The following ZDHHC11B variants were observed in gnomAD, a reference collection of about 807,000 sequenced individuals.
ZDHHC11B encodes the protein probable palmitoyltransferase ZDHHC11B.
ZDHHC11B carries 17 observed loss-of-function variants against 42.3 expected under a neutral mutation model. The ratio of observed to expected loss-of-function variants is 0.40; its 90% CI spans 0.27 to 0.60. The LOEUF (loss-of-function observed/expected upper bound fraction) is 0.60. ZDHHC11B is among the 20% of genes least tolerant of loss of function. The pLI, the probability that ZDHHC11B is intolerant of heterozygous loss-of-function variation, is 0.41. For synonymous variants in ZDHHC11B, 123 were observed against 193.5 expected (o/e 0.64, Z 3.02); for missense variants, 262 against 463.2 (o/e 0.57, Z 3.99).
In ZDHHC11B at chr5:722,582, C is replaced by A. The variant is rs1280574990; in HGVS notation, c.1059-5717G>T. 2.0e-5 allele frequency among the ~76,000 whole-genome samples: 3 copies of A among 151,130 alleles called. 1 individual carries two copies. The highest frequency in any genetic ancestry group is 4.9e-5 in the African/African-American group (2 of 40,894). On this transcript the variant is annotated intron_variant, in intron 12 of 13. Transcript: ENST00000508859. The stretch of plus-strand genomic sequence containing the variant: ...CTTATACCCTGCTGTGAGAGTGTAA[C>A]ATGTGCAACACCTTTAAAAAACAGT...
chr5:729,646 A>C (rs1388924808), intron 12 of ZDHHC11B, among the ~76,000 whole-genome samples: 2 of 150,880 alleles, frequency 1.3e-5, no homozygotes, highest in Non-Finnish European at 3.0e-5. Context: ...GTTGTATTAA[A>C]TGGTTCTAGA....
chr5:784,043 TC>T (rs1253292645), intron 1 of ZDHHC11B, among the ~76,000 whole-genome samples: 1 of 151,398 alleles, frequency 6.6e-6, no homozygotes, highest in Non-Finnish European at 1.5e-5. Context: ...CGGCAGCGCC[TC>T]TCCATCGCCA....
At chr5:718,879 A>AC (rs1218203124) in intron 12 of ZDHHC11B, among the ~76,000 whole-genome samples, 2 of 151,474 alleles carry the variant, frequency 1.3e-5, no homozygotes, top group Admixed American at 6.6e-5. Flanking sequence ...GTCCTCAATA[A>AC]ATTTGAGGTG....
chr5:737,165 T>C (rs546865091), intron 10 of ZDHHC11B, among the ~76,000 whole-genome samples: 4 of 149,282 alleles, frequency 2.7e-5, no homozygotes, highest in Non-Finnish European at 4.4e-5. Context: ...CAAAAGATCA[T>C]TTAAGGCCAA....
At chr5:776,554 T>C (rs1478975729) in intron 1 of ZDHHC11B, among the ~76,000 whole-genome samples, 3 of 151,944 alleles carry the variant, frequency 2.0e-5, no homozygotes, top group Non-Finnish European at 4.4e-5. Flanking sequence ...AACTGCCCAC[T>C]GGGCATTCAG....
At chr5:732,576 A>G in intron 11 of ZDHHC11B, 1 of 436,254 alleles carries the variant, frequency 2.3e-6, no homozygotes, top group Admixed American at 2.5e-5. Context: ...CACCAGCCTC[A>G]CTGTTCCTCC....
At chr5:769,813 C>T (rs1735838608) in intron 1 of ZDHHC11B, among the ~76,000 whole-genome samples, 1 of 151,972 alleles carries the variant, frequency 6.6e-6, no homozygotes, top group African/African-American at 2.4e-5. Context: ...TGGGCCAGCA[C>T]TCTGGTCTTT....
At chr5:780,537 C>T (rs1479834273) in intron 1 of ZDHHC11B, among the ~76,000 whole-genome samples, 1 of 146,990 alleles carries the variant, frequency 6.8e-6, no homozygotes, top group Non-Finnish European at 1.5e-5. Context: ...ACAGGCAAAG[C>T]CAAAGCACAG....
intron 3 of ZDHHC11B, among the ~76,000 whole-genome samples, chr5:767,132 C>T (rs1488158267): frequency 1.3e-5 from 2 of 151,980 alleles, no homozygotes; most frequent in East Asian, 1.9e-4. Flanking sequence ...AATGAACAGA[C>T]ATGCTGCAGA....
intron 8 of ZDHHC11B, among the ~76,000 whole-genome samples, chr5:746,599 A>G (rs1744858493): frequency 6.8e-6 from 1 of 147,332 alleles, no homozygotes; most frequent in Non-Finnish European, 1.5e-5. Context: ...CCAGCCCCGC[A>G]TGGCTTCAGG....
At chr5:725,059 C>T (rs1335484014) in intron 12 of ZDHHC11B, among the ~76,000 whole-genome samples, 1 of 150,916 alleles carries the variant, frequency 6.6e-6, no homozygotes, top group Non-Finnish European at 1.5e-5. Flanking sequence ...CTAACCCCAG[C>T]GTTGTGTGTC....
intron 4 of ZDHHC11B, among the ~76,000 whole-genome samples, chr5:760,499 G>A (rs1398774802): frequency 4.0e-5 from 6 of 151,536 alleles, no homozygotes; most frequent in Non-Finnish European, 8.8e-5. Flanking sequence ...TCCAGACCCC[G>A]GGCCCCAGAA....
chr5:732,654 G>A (rs1743104959), intron 11 of ZDHHC11B: 1 of 451,672 alleles, frequency 2.2e-6, no homozygotes, highest in Admixed American at 2.4e-5. Context: ...GGGAAGTGCG[G>A]TGAGGCGGCC....
chr5:767,286 C>T lies in ZDHHC11B; in HGVS notation c.-1+106G>A, dbSNP rs768366383. Reference sequence around the variant, plus strand: ...ACCTGAGCTGCCATCTGGACGGCTGCGGGATGGCCCTCTCCCCACCCACAC... The same window carrying T: ...ACCTGAGCTGCCATCTGGACGGCTGTGGGATGGCCCTCTCCCCACCCACAC... On this transcript the variant is annotated intron_variant, in intron 3 of 13. Transcript: ENST00000508859. 177 of 1,301,842 alleles carry T rather than the reference C, an allele frequency of 1.4e-4. 1 individual carries two copies. The highest frequency in any genetic ancestry group is 3.7e-4 in the Middle Eastern group (2 of 5,334). 80.6% of individuals were successfully genotyped at this position (1,301,842 alleles called of 1,614,324 possible).
At chr5:715,010 C>A (rs1295060568) in intron 13 of ZDHHC11B, among the ~76,000 whole-genome samples, 1 of 150,400 alleles carries the variant, frequency 6.6e-6, no homozygotes, top group East Asian at 1.9e-4. Context: ...ATGTCAGCTC[C>A]CTTCACCTTC....
chr5:713,142 C>T (rs1284980109), intron 13 of ZDHHC11B, among the ~76,000 whole-genome samples: 30 of 151,354 alleles, frequency 2.0e-4, no homozygotes, highest in African/African-American at 7.3e-4. Context: ...CATAACATAG[C>T]CTTCAAACTG....
At chr5:777,475 AG>A (rs1240887396) in intron 1 of ZDHHC11B, among the ~76,000 whole-genome samples, 834 of 14,536 alleles carry the variant, frequency 0.057, 32 homozygotes, top group African/African-American at 0.22. Context: ...GCGCGCACCC[AG>A]ACTGAGCGGC....
chr5:770,001 A>G (rs2150230172), intron 1 of ZDHHC11B, among the ~76,000 whole-genome samples: 1 of 151,958 alleles, frequency 6.6e-6, no homozygotes, highest in African/African-American at 2.4e-5. Flanking sequence ...CTCGGTGCAC[A>G]TGTCCTCCAA....
intron 12 of ZDHHC11B, among the ~76,000 whole-genome samples, chr5:726,161 C>T (rs1249557767): frequency 6.6e-6 from 1 of 151,382 alleles, no homozygotes; most frequent in Non-Finnish European, 1.5e-5. Context: ...ACATTTCCCA[C>T]AAAACAGACC....
Sources: allele counts gnomAD v4.1 joint callset (sites outside exome capture counted in the v4.1 genomes callset), GRCh38; gene constraint gnomAD v4.1.1; transcripts MANE v1.5; gene names NCBI Gene and HGNC (gene_info 2026-07-23, HGNC 2026-07-21).